Variants in PALLD observed in about 807,000 individuals in gnomAD.
PALLD encodes palladin, cytoskeletal associated protein.
In PALLD, 61 loss-of-function variants were observed where a neutral mutation model predicts 123.5. The ratio of observed to expected loss-of-function variants is 0.49; its 90% CI spans 0.40 to 0.61. PALLD has a LOEUF of 0.61. Among genes scored for constraint, PALLD ranks in the 20% least tolerant of loss-of-function variants. PALLD has a pLI of 0.00. For synonymous variants in PALLD, 465 were observed against 496.4 expected (o/e 0.94, Z 0.84); for missense variants, 1,273 against 1,377.0 (o/e 0.92, Z 1.20).
intron 10 of PALLD, among the ~76,000 whole-genome samples, chr4:168,766,407 C>G (rs1279658510): frequency 8.7e-6 from 1 of 114,350 alleles, no homozygotes; most frequent in African/African-American, 2.6e-5. Flanking sequence ...AAAGAACCCA[C>G]ATTTTCAGGT....
At chr4:168,911,065 C>T (rs1014398762) in intron 15 of PALLD, among the ~76,000 whole-genome samples, 15 of 152,106 alleles carry the variant, frequency 9.9e-5, no homozygotes, top group African/African-American at 2.9e-4. Context: ...TGTCACATAC[C>T]ATTTGATATT....
At chr4:168,757,747 C>G (rs1485280870) in intron 10 of PALLD, among the ~76,000 whole-genome samples, 1 of 152,216 alleles carries the variant, frequency 6.6e-6, no homozygotes, top group Non-Finnish European at 1.5e-5. Context: ...CACTATACCA[C>G]TTTAGAATTT....
intron 10 of PALLD, chr4:168,864,325 G>T (rs1749947874): frequency 6.6e-6 from 1 of 152,118 alleles, no homozygotes. Flanking sequence ...CGACTTTCTG[G>T]TTCAGTTATT....
intron 8 of PALLD, among the ~76,000 whole-genome samples, chr4:168,694,287 T>C (rs1384880467): frequency 6.6e-6 from 1 of 152,250 alleles, no homozygotes; most frequent in African/African-American, 2.4e-5. Flanking sequence ...ATAAATTTTA[T>C]AGGACTAGGT....
At chr4:168,814,546 A>C (rs549998469) in intron 10 of PALLD, among the ~76,000 whole-genome samples, 1 of 152,330 alleles carries the variant, frequency 6.6e-6, no homozygotes, top group African/African-American at 2.4e-5. Context: ...TCATAGGACG[A>C]AATTACTTCC....
chr4:168,602,617 C>T (rs1212572323), intron 2 of PALLD, among the ~76,000 whole-genome samples: 1 of 152,206 alleles, frequency 6.6e-6, no homozygotes, highest in Non-Finnish European at 1.5e-5. Flanking sequence ...TTGCTCTACT[C>T]ATTTCCAGAC....
At chr4:168,812,030 G>A (rs1561551194) in intron 10 of PALLD, among the ~76,000 whole-genome samples, 1 of 151,986 alleles carries the variant, frequency 6.6e-6, no homozygotes, top group African/African-American at 2.4e-5. Flanking sequence ...ATATAGAAAA[G>A]GCCAAAAGTA....
At chr4:168,684,695 A>C (rs527782413) in intron 5 of PALLD, among the ~76,000 whole-genome samples, 2 of 152,308 alleles carry the variant, frequency 1.3e-5, no homozygotes, top group African/African-American at 4.8e-5. Flanking sequence ...CTCTTGAATC[A>C]CAGGCCAGTA....
intron 13 of PALLD, among the ~76,000 whole-genome samples, chr4:168,897,050 C>T (rs749276658): frequency 1.3e-5 from 2 of 152,114 alleles, no homozygotes; most frequent in African/African-American, 2.4e-5. Flanking sequence ...AGGCTGGTCT[C>T]GAACTTCTGA....
chr4:168,546,964 A>AT (rs1215169332), intron 2 of PALLD, among the ~76,000 whole-genome samples: 1 of 152,168 alleles, frequency 6.6e-6, no homozygotes, highest in South Asian at 2.1e-4. Context: ...GTATTTCATA[A>AT]TTTTTTTAAA....
chr4:168,921,614 G>T lies in PALLD; in HGVS notation c.2931G>T (p.Leu977=). 1 of 1,610,580 alleles carries T rather than the reference G, an allele frequency of 6.2e-7. No homozygotes were observed. The highest frequency in any genetic ancestry group is 8.5e-7 in the Non-Finnish European group (1 of 1,179,494). Residue 977 remains leucine (L), a synonymous_variant, in exon 18 of 22, where the codon CTG becomes CTT. Transcript: ENST00000505667. Reference sequence around the variant, plus strand: ...GCCCTGACAGTGCTCACAAGATGCTGGTGCGTGAGAACGGGGTGCACTCTC... The same window carrying T: ...GCCCTGACAGTGCTCACAAGATGCTTGTGCGTGAGAACGGGGTGCACTCTC... The part of the protein sequence containing the change: ...PVRPDSAHKM[L]VRENGVHSLI...
chr4:168,817,427 C>T (rs185586132), intron 10 of PALLD, among the ~76,000 whole-genome samples: 11 of 152,284 alleles, frequency 7.2e-5, no homozygotes, highest in Non-Finnish European at 1.3e-4. Context: ...AAAAATCTTA[C>T]CTCTTAACAA....
intron 10 of PALLD, among the ~76,000 whole-genome samples, chr4:168,759,202 A>ATATAC (rs1223717774): frequency 4.5e-5 from 1 of 22,304 alleles, no homozygotes; most frequent in African/African-American, 1.4e-4. Context: ...AAAAAAAAAA[A>ATATAC]ATATATATAT....
chr4:168,747,818 A>T (rs1730526034), intron 10 of PALLD, among the ~76,000 whole-genome samples: 1 of 152,224 alleles, frequency 6.6e-6, no homozygotes, highest in East Asian at 1.9e-4. Flanking sequence ...AAATATCTTC[A>T]AGAATTCCAA....
At chr4:168,847,146 C>A (rs368068210) in intron 10 of PALLD, among the ~76,000 whole-genome samples, 2 of 152,104 alleles carry the variant, frequency 1.3e-5, no homozygotes, top group African/African-American at 2.4e-5. Flanking sequence ...TTTTTGAGGG[C>A]AATTTATACC....
intron 10 of PALLD, among the ~76,000 whole-genome samples, chr4:168,819,392 G>A (rs1367079561): frequency 1.3e-5 from 2 of 151,700 alleles, no homozygotes; most frequent in African/African-American, 4.8e-5. Context: ...TGAATAATGT[G>A]AGGTAACCAG....
chr4:168,764,148 TG>T (rs1314352821), intron 10 of PALLD, among the ~76,000 whole-genome samples: 1 of 152,164 alleles, frequency 6.6e-6, no homozygotes, highest in Non-Finnish European at 1.5e-5. Context: ...CTTATAGATA[TG>T]GGACTTTGTC....
At chr4:168,615,789 A>G (rs1774170447) in intron 2 of PALLD, among the ~76,000 whole-genome samples, 1 of 152,200 alleles carries the variant, frequency 6.6e-6, no homozygotes, top group African/African-American at 2.4e-5. Context: ...GAATCCCACC[A>G]GTGACTCCTT....
intron 9 of PALLD, among the ~76,000 whole-genome samples, chr4:168,709,637 A>G (rs371031297): frequency 0.86 from 312 of 362 alleles, 150 homozygotes; most frequent in Admixed American, 0.97. Context: ...GGAAGGAAGG[A>G]AGGAAGGAAG....
Sources: allele counts gnomAD v4.1 joint callset (sites outside exome capture counted in the v4.1 genomes callset), GRCh38; gene constraint gnomAD v4.1.1; transcripts MANE v1.5; gene names NCBI Gene and HGNC (gene_info 2026-07-23, HGNC 2026-07-21).